Variants in DZANK1 observed in about 807,000 individuals in gnomAD.
DZANK1 encodes the protein double zinc ribbon and ankyrin repeat domains 1.
DZANK1 carries 91 observed loss-of-function variants against 94.5 expected under a neutral mutation model. The ratio of observed to expected loss-of-function variants is 0.96; its 90% CI spans 0.81 to 1.15. DZANK1 has a LOEUF of 1.15. DZANK1 is among the 50% of genes most tolerant of loss of function. The pLI, the probability that DZANK1 is intolerant of heterozygous loss-of-function variation, is 0.00. For synonymous variants in DZANK1, 312 were observed against 325.3 expected (o/e 0.96, Z 0.44); for missense variants, 903 against 916.4 (o/e 0.99, Z 0.19).
At chr20:18,399,672 T>G (rs1388234996) in intron 13 of DZANK1, among the ~76,000 whole-genome samples, 1 of 152,226 alleles carries the variant, frequency 6.6e-6, no homozygotes, top group Non-Finnish European at 1.5e-5. Flanking sequence ...TTTGAATTAG[T>G]TGCCACCATT....
chr20:18,388,516 C>T (rs1009692199), intron 19 of DZANK1, among the ~76,000 whole-genome samples: 1 of 152,178 alleles, frequency 6.6e-6, no homozygotes, highest in African/African-American at 2.4e-5. Flanking sequence ...TCTGTATCAA[C>T]CACAAACATA....
At chr20:18,453,670 C>T (rs1170301788) in intron 5 of DZANK1, 61 bp downstream of exon 5, 9 of 1,173,328 alleles carry the variant, frequency 7.7e-6, no homozygotes, top group Non-Finnish European at 1.1e-5. Flanking sequence ...AACGAACATG[C>T]CATGAACCTC....
At chr20:18,415,524 A>T (rs2057451186) in intron 10 of DZANK1, 75 bp from the exon 11 acceptor site, 1 of 1,308,618 alleles carries the variant, frequency 7.6e-7, no homozygotes, top group Non-Finnish European at 9.8e-7. Flanking sequence ...CAAAAAAGAT[A>T]AAAAATTCCC....
At position 18,384,617 on chromosome 20, in the gene DZANK1, C is replaced by T. The variant is rs560976728; in HGVS notation, c.2094-53G>A. ...GCACTGAAGGACTTGAACATGTGAC[C>T]CTAAGAGCTTGACTCTACCCTGCCA... On this transcript the variant is annotated intron_variant, in intron 20 of 20. Coordinates refer to ENST00000262547, the Ensembl canonical transcript of DZANK1. The T allele has an allele frequency of 2.2e-4, 334 of 1,509,658 alleles. 2 individuals are homozygous for T. Among genetic ancestry groups the T allele is most frequent in the South Asian group, 1.8e-3 (137 of 75,180 alleles). The allele number at this position is 1,509,658 out of a possible 1,614,324, so 93.5% of individuals were successfully genotyped here.
chr20:18,461,457 T>C (rs1255420363), intron 2 of DZANK1, among the ~76,000 whole-genome samples: 1 of 152,184 alleles, frequency 6.6e-6, no homozygotes, highest in Non-Finnish European at 1.5e-5. Context: ...TAGGCTGTCT[T>C]CTTTTTTCCT....
intron 15 of DZANK1, chr20:18,394,688 A>T (rs748924816): frequency 1.9e-6 from 1 of 531,028 alleles, no homozygotes; most frequent in Admixed American, 2.0e-5. Flanking sequence ...TAGATCCTTT[A>T]TAAGTGATTG....
At chr20:18,393,869 C>G in intron 16 of DZANK1, 58 bp from the exon 17 acceptor site, 2 of 1,145,154 alleles carry the variant, frequency 1.7e-6, no homozygotes, top group Non-Finnish European at 2.6e-6. Context: ...CCCACACAAA[C>G]AGTTATTTCT....
chr20:18,407,020 C>T (rs1250168919), intron 13 of DZANK1, among the ~76,000 whole-genome samples: 2 of 152,178 alleles, frequency 1.3e-5, no homozygotes, highest in African/African-American at 4.8e-5. Context: ...GATTTGATTG[C>T]TTAGCTGCAA....
chr20:18,442,761 C>CA (rs559098162), intron 8 of DZANK1, among the ~76,000 whole-genome samples: 8 of 151,616 alleles, frequency 5.3e-5, no homozygotes, highest in South Asian at 4.2e-4. Context: ...ATTCCAAGTC[C>CA]AAAAAAAATC....
At chr20:18,440,614 A>T (rs1354383523) in intron 8 of DZANK1, among the ~76,000 whole-genome samples, 1 of 152,144 alleles carries the variant, frequency 6.6e-6, no homozygotes, top group Non-Finnish European at 1.5e-5. Context: ...TGATGGGTTT[A>T]AACCACCCAC....
intron 17 of DZANK1, among the ~76,000 whole-genome samples, chr20:18,392,444 C>G (rs538796231): frequency 6.6e-6 from 1 of 152,188 alleles, no homozygotes; most frequent in Non-Finnish European, 1.5e-5. Flanking sequence ...ACTGACAAGG[C>G]GGCGTTGAGG....
chr20:18,391,565 A>G (rs535595429), intron 17 of DZANK1, among the ~76,000 whole-genome samples: 5 of 152,198 alleles, frequency 3.3e-5, no homozygotes, highest in African/African-American at 7.2e-5. Flanking sequence ...TTTAAATGCC[A>G]TAAATTCATC....
intron 10 of DZANK1, among the ~76,000 whole-genome samples, chr20:18,425,486 G>C (rs1327899301): frequency 2.6e-5 from 4 of 152,032 alleles, no homozygotes; most frequent in Admixed American, 2.6e-4. Flanking sequence ...GGGAGGCGGA[G>C]GTTGCAGTGA....
At chr20:18,388,294 C>T (rs189717653) in intron 19 of DZANK1, among the ~76,000 whole-genome samples, 55 of 152,282 alleles carry the variant, frequency 3.6e-4, no homozygotes, top group Non-Finnish European at 6.6e-4. Flanking sequence ...GGTATAACCG[C>T]AGTGTCAGAC....
At chr20:18,384,774 A>G (rs934885753) in intron 20 of DZANK1, among the ~76,000 whole-genome samples, 3 of 152,168 alleles carry the variant, frequency 2.0e-5, no homozygotes, top group African/African-American at 4.8e-5. Context: ...AAAATGTCCA[A>G]TTGCAAATCC....
intron 13 of DZANK1, among the ~76,000 whole-genome samples, chr20:18,408,282 T>TC (rs1440505127): frequency 3.9e-5 from 6 of 152,204 alleles, no homozygotes; most frequent in African/African-American, 1.4e-4. Context: ...CACCACTGTA[T>TC]TCCAACCTGG....
intron 2 of DZANK1, among the ~76,000 whole-genome samples, chr20:18,464,820 T>C (rs888910873): frequency 6.6e-5 from 10 of 151,940 alleles, no homozygotes; most frequent in Non-Finnish European, 1.3e-4. Flanking sequence ...GGATTACAGG[T>C]GCCCACCACC....
At chr20:18,412,739 C>A in exon 13 of DZANK1, 5 of 1,613,712 alleles carry the variant, frequency 3.1e-6, no homozygotes, top group Non-Finnish European at 3.4e-6. Flanking sequence ...TCCTTTTTTG[C>A]TAGCAGCTTG....
intron 2 of DZANK1, among the ~76,000 whole-genome samples, chr20:18,461,609 T>TA (rs2059475512): frequency 6.6e-6 from 1 of 151,812 alleles, no homozygotes; most frequent in African/African-American, 2.4e-5. Flanking sequence ...TCTTTTTTTT[T>TA]TTTTTTTGAG....
Sources: gnomAD v4.1 joint callset for allele counts (sites outside exome capture counted in the v4.1 genomes callset) on GRCh38, gnomAD v4.1.1 for gene constraint, MANE v1.5 for transcripts, NCBI Gene and HGNC (gene_info 2026-07-23, HGNC 2026-07-21) for gene names.